NOL4: variants seen among roughly 807,000 people sequenced by gnomAD.
NOL4 encodes the protein nucleolar protein 4.
Under a neutral mutation model 75.9 loss-of-function variants are expected in NOL4, and 17 were observed. The observed-to-expected ratio is 0.22, with a 90% CI of 0.15 to 0.34. The LOEUF (loss-of-function observed/expected upper bound fraction) is 0.34, where lower values mean the gene tolerates loss of function less well. NOL4 is among the 10% of genes least tolerant of loss of function. NOL4 has a pLI of 1.00. For synonymous variants in NOL4, 292 were observed against 289.9 expected, an observed-to-expected ratio of 1.01 and a Z score of -0.07; for missense variants, 614 against 793.5, an observed-to-expected ratio of 0.77 and a Z score of 2.72.
intron 9 of NOL4, among the ~76,000 whole-genome samples, chr18:33,937,128 C>T (rs1208539349): frequency 6.6e-6 from 1 of 151,882 alleles, no homozygotes; most frequent in Non-Finnish European, 1.5e-5. Flanking sequence ...TATGTTAAAT[C>T]TAGAAAAATG....
intron 1 of NOL4, among the ~76,000 whole-genome samples, chr18:34,137,806 A>ACACACACACACG (rs1452666829): frequency 2.0e-5 from 3 of 151,934 alleles, no homozygotes; most frequent in Non-Finnish European, 2.9e-5. Flanking sequence ...ACACACACAC[A>ACACACACACACG]CACGCACGCA....
chr18:33,995,877 T>C (rs188589102), intron 6 of NOL4, among the ~76,000 whole-genome samples: 1 of 152,046 alleles, frequency 6.6e-6, no homozygotes, highest in Admixed American at 6.6e-5. Flanking sequence ...CCATAGCAAT[T>C]GAAAAGAATA....
intron 1 of NOL4, among the ~76,000 whole-genome samples, chr18:34,194,791 G>A (rs565205108): frequency 1.2e-4 from 19 of 152,172 alleles, no homozygotes; most frequent in African/African-American, 4.6e-4. Context: ...TTGGGAGGCC[G>A]AGGTGGGTGG....
intron 6 of NOL4, among the ~76,000 whole-genome samples, chr18:33,987,243 A>G (rs1248880966): frequency 6.6e-6 from 1 of 152,040 alleles, no homozygotes; most frequent in Non-Finnish European, 1.5e-5. Context: ...GCTTTGGGGG[A>G]TAGGGGCTGA....
Position 34,223,383 on chromosome 18 carries a change from T to G in NOL4, c.-130A>C. On this transcript the variant is annotated 5_prime_UTR_variant, in exon 1 of 11. Coordinates refer to ENST00000261592, the MANE Select transcript of NOL4 (RefSeq NM_003787.5). ...GTCCCGGCCGCAGCGGGAGCCTGCTTTGGGTGGGGGAAGGGATGGGAAGAG... is the reference window on the plus strand; with the variant it reads ...GTCCCGGCCGCAGCGGGAGCCTGCTGTGGGTGGGGGAAGGGATGGGAAGAG... 2.2e-6 allele frequency: 3 copies of G among 1,347,970 alleles called. No individual in the cohort carries two copies. The highest frequency in any genetic ancestry group is 3.0e-6 in the Non-Finnish European group (3 of 997,184). 83.5% of individuals were successfully genotyped at this position (1,347,970 alleles called of 1,614,324 possible).
intron 6 of NOL4, among the ~76,000 whole-genome samples, chr18:33,988,428 A>T (rs949250953): frequency 2.6e-5 from 4 of 152,118 alleles, no homozygotes; most frequent in Non-Finnish European, 4.4e-5. Flanking sequence ...CTTTTGGGAA[A>T]GATTACTCAA....
intron 9 of NOL4, among the ~76,000 whole-genome samples, chr18:33,911,056 C>T (rs1387822587): frequency 6.6e-6 from 1 of 152,058 alleles, no homozygotes; most frequent in Non-Finnish European, 1.5e-5. Context: ...ATTTTACAGG[C>T]TTTGCACCCA....
intron 1 of NOL4, among the ~76,000 whole-genome samples, chr18:34,159,918 G>A (rs899788668): frequency 2.7e-5 from 4 of 149,684 alleles, no homozygotes; most frequent in African/African-American, 4.9e-5. Flanking sequence ...GGGGAGTGGG[G>A]TGGGGTGGAG....
intron 10 of NOL4, among the ~76,000 whole-genome samples, chr18:33,882,116 A>G (rs1246634477): frequency 6.6e-6 from 1 of 152,218 alleles, no homozygotes; most frequent in Non-Finnish European, 1.5e-5. Context: ...AAGAAAACCT[A>G]GGCATTACCA....
At chr18:33,897,245 C>T (rs2065465064) in intron 9 of NOL4, among the ~76,000 whole-genome samples, 1 of 152,116 alleles carries the variant, frequency 6.6e-6, no homozygotes, top group Non-Finnish European at 1.5e-5. Flanking sequence ...TACCATTTGA[C>T]CCAGCAATCC....
At chr18:33,959,447 G>C (rs1297661681) in intron 6 of NOL4, among the ~76,000 whole-genome samples, 1 of 151,936 alleles carries the variant, frequency 6.6e-6, no homozygotes, top group Admixed American at 6.6e-5. Context: ...CAAGTATATG[G>C]TGTGATAAGG....
chr18:34,038,324 AG>A (rs2076000664), intron 5 of NOL4, among the ~76,000 whole-genome samples: 1 of 152,138 alleles, frequency 6.6e-6, no homozygotes, highest in Non-Finnish European at 1.5e-5. Flanking sequence ...TATGAAAAAC[AG>A]CATAGAGATT....
intron 6 of NOL4, among the ~76,000 whole-genome samples, chr18:33,962,533 A>T (rs1201763017): frequency 6.6e-6 from 1 of 152,232 alleles, no homozygotes; most frequent in East Asian, 1.9e-4. Context: ...TGCTTTAAGG[A>T]TCATACTAAC....
chr18:33,917,845 C>T (rs2066817428), intron 9 of NOL4, among the ~76,000 whole-genome samples: 1 of 152,102 alleles, frequency 6.6e-6, no homozygotes, highest in Admixed American at 6.6e-5. Flanking sequence ...CTGAAATATA[C>T]ACCTTTTGGG....
At chr18:34,004,214 T>C (rs768529342) in intron 6 of NOL4, among the ~76,000 whole-genome samples, 16 of 152,044 alleles carry the variant, frequency 1.1e-4, no homozygotes, top group Non-Finnish European at 2.4e-4. Context: ...ACCAAACCAG[T>C]GTCCATGTTA....
At chr18:34,104,526 G>T (rs573627053) in intron 3 of NOL4, among the ~76,000 whole-genome samples, 1 of 151,634 alleles carries the variant, frequency 6.6e-6, no homozygotes. Context: ...TTGGCCATTC[G>T]ATTTAACCTT....
chr18:34,203,717 T>TCTCTCACACACACACA (rs1261546835), intron 1 of NOL4, among the ~76,000 whole-genome samples: 40 of 72,298 alleles, frequency 5.5e-4, no homozygotes, highest in East Asian at 1.0e-3. Context: ...TCTCTCTCTC[T>TCTCTCACACACACACA]CACACACACA....
At chr18:33,890,833 A>T (rs964046608) in intron 9 of NOL4, among the ~76,000 whole-genome samples, 2 of 152,074 alleles carry the variant, frequency 1.3e-5, no homozygotes, top group Non-Finnish European at 2.9e-5. Flanking sequence ...GTGCTACTGC[A>T]AACAAGAATT....
intron 5 of NOL4, among the ~76,000 whole-genome samples, chr18:34,037,072 G>C (rs373795549): frequency 3.9e-5 from 6 of 152,110 alleles, no homozygotes; most frequent in African/African-American, 1.4e-4. Flanking sequence ...ACCAAATTTA[G>C]TAGAATTGCA....
Sources: gnomAD v4.1 joint callset for allele counts (sites outside exome capture counted in the v4.1 genomes callset) on GRCh38, gnomAD v4.1.1 for gene constraint, MANE v1.5 for transcripts, NCBI Gene and HGNC (gene_info 2026-07-23, HGNC 2026-07-21) for gene names.